COL22A1: variants seen among roughly 807,000 people sequenced by gnomAD.
COL22A1 encodes the protein collagen type XXII alpha 1 chain.
In COL22A1, 221 loss-of-function variants were observed where a neutral mutation model predicts 248.9. The ratio of observed to expected loss-of-function variants is 0.89; its 90% confidence interval spans 0.80 to 0.99. The LOEUF (loss-of-function observed/expected upper bound fraction) is 0.99. Among genes scored for constraint, COL22A1 ranks in the 50% least tolerant of loss-of-function variants. COL22A1 has a pLI of 0.00. For missense variants in COL22A1, 2,240 were observed against 2,179.0 expected (o/e 1.03, Z -0.56); for synonymous variants, 891 against 793.4 (o/e 1.12, Z -2.07).
intron 3 of COL22A1, among the ~76,000 whole-genome samples, chr8:138,857,683 C>T (rs1336491473): frequency 2.0e-5 from 3 of 152,204 alleles, no homozygotes; most frequent in African/African-American, 7.2e-5. Context: ...CTGGGAACAG[C>T]GGTTCCCTCT....
At chr8:138,691,714 TTATG>T (rs1238897819) in intron 35 of COL22A1, among the ~76,000 whole-genome samples, 2 of 12,162 alleles carry the variant, frequency 1.6e-4, no homozygotes, top group South Asian at 2.4e-3. Flanking sequence ...GGAGGTGTGT[TTATG>T]TGTGTACATG....
chr8:138,715,812 C>T, intron 29 of COL22A1, 77 bp from the exon 30 acceptor site: 1 of 1,067,658 alleles, frequency 9.4e-7, no homozygotes, highest in Non-Finnish European at 1.4e-6. Context: ...GTAAGAGCAA[C>T]ATGACTTTGG....
rs377674334 is a variant in COL22A1, at chr8:138,785,698, C to T, written c.1597-4718G>A. On this transcript the variant is annotated intron_variant, in intron 12 of 64. Transcript: ENST00000303045. ...CAGCAGGACACCTTGGCCTCTCCTC[C>T]CAGCTGCCAGTTTTCTAGCGTTGTT... Among the ~76,000 whole-genome samples the T allele has an allele frequency of 5.9e-5, 9 of 152,286 alleles. No homozygotes were observed. In the East Asian group the frequency reaches 1.2e-3, roughly 20 times the overall value.
At chr8:138,802,057 A>T (rs1440334128) in intron 11 of COL22A1, among the ~76,000 whole-genome samples, 1 of 152,170 alleles carries the variant, frequency 6.6e-6, no homozygotes, top group Non-Finnish European at 1.5e-5. Context: ...TGCACTCACT[A>T]CTGTTCTAAA....
At chr8:138,769,877 G>A (rs1252137440) in intron 16 of COL22A1, among the ~76,000 whole-genome samples, 6 of 152,146 alleles carry the variant, frequency 3.9e-5, no homozygotes, top group Non-Finnish European at 5.9e-5. Context: ...ATGTCTGCAG[G>A]GTGGATTGTG....
chr8:138,748,375 G>A (rs1832300045), intron 22 of COL22A1, among the ~76,000 whole-genome samples: 1 of 152,200 alleles, frequency 6.6e-6, no homozygotes, highest in Admixed American at 6.5e-5. Context: ...CAGAGTGTCT[G>A]TGCATCACAA....
chr8:138,752,022 C>T (rs901158651), intron 21 of COL22A1, among the ~76,000 whole-genome samples: 8 of 152,204 alleles, frequency 5.3e-5, no homozygotes, highest in African/African-American at 1.9e-4. Context: ...TCATACTGAC[C>T]TCATTCGAAT....
intron 60 of COL22A1, among the ~76,000 whole-genome samples, chr8:138,601,169 C>T (rs1451607798): frequency 6.6e-6 from 1 of 151,936 alleles, no homozygotes; most frequent in Admixed American, 6.6e-5. Context: ...GAGTCGCATT[C>T]TCGGGGGGGA....
chr8:138,717,563 A>G (rs1261056523), intron 27 of COL22A1, among the ~76,000 whole-genome samples: 1 of 152,132 alleles, frequency 6.6e-6, no homozygotes, highest in Non-Finnish European at 1.5e-5. Context: ...TCTTGGGCTC[A>G]AAAAATTATC....
chr8:138,687,779 G>A (rs77779829), intron 37 of COL22A1, among the ~76,000 whole-genome samples: 1 of 152,156 alleles, frequency 6.6e-6, no homozygotes, highest in Admixed American at 6.5e-5. Flanking sequence ...TTTAGATCAG[G>A]GTTTCTCAAC....
At chr8:138,620,629 C>T (rs1458639921) in intron 52 of COL22A1, 1 of 152,100 alleles carries the variant, frequency 6.6e-6, no homozygotes, top group African/African-American at 2.4e-5. Context: ...CCATCACTGG[C>T]CCAAGGCACC....
intron 64 of COL22A1, among the ~76,000 whole-genome samples, chr8:138,590,971 CA>C (rs1243062706): frequency 6.6e-6 from 1 of 152,180 alleles, no homozygotes; most frequent in Admixed American, 6.5e-5. Context: ...AGGATATTAA[CA>C]ACTGTATAGT....
chr8:138,764,244 G>T (rs1833745057), intron 16 of COL22A1, among the ~76,000 whole-genome samples: 3 of 152,212 alleles, frequency 2.0e-5, no homozygotes. Flanking sequence ...GCAGGGCAGG[G>T]GGAACCTCCC....
chr8:138,638,543 T>C (rs187988614), intron 47 of COL22A1, among the ~76,000 whole-genome samples: 474 of 152,272 alleles, frequency 3.1e-3, no homozygotes, highest in African/African-American at 0.01. Flanking sequence ...ACAGTGACTA[T>C]CTAATAATCC....
At chr8:138,773,047 A>G (rs974295452) in intron 16 of COL22A1, among the ~76,000 whole-genome samples, 2 of 152,214 alleles carry the variant, frequency 1.3e-5, no homozygotes, top group African/African-American at 4.8e-5. Context: ...GTTAAAAAAT[A>G]TATATTCTTT....
chr8:138,871,252 C>T (rs1375848340), intron 3 of COL22A1, among the ~76,000 whole-genome samples: 2 of 152,158 alleles, frequency 1.3e-5, no homozygotes, highest in Non-Finnish European at 2.9e-5. Flanking sequence ...GCCCTCTTCC[C>T]GCTGAGGGAA....
At chr8:138,865,510 T>C (rs916031974) in intron 3 of COL22A1, among the ~76,000 whole-genome samples, 3 of 151,640 alleles carry the variant, frequency 2.0e-5, no homozygotes, top group African/African-American at 7.3e-5. Flanking sequence ...TGTATGTTTG[T>C]ATGCCTGTGT....
At chr8:138,860,577 G>A (rs1428565059) in intron 3 of COL22A1, among the ~76,000 whole-genome samples, 1 of 152,226 alleles carries the variant, frequency 6.6e-6, no homozygotes, top group African/African-American at 2.4e-5. Flanking sequence ...GGAGGCCAAG[G>A]CGAGCAAATT....
intron 1 of COL22A1, among the ~76,000 whole-genome samples, chr8:138,903,097 G>A (rs1340655820): frequency 6.6e-6 from 1 of 152,090 alleles, no homozygotes; most frequent in Non-Finnish European, 1.5e-5. Flanking sequence ...ATTTATCCAG[G>A]AATTAACTTA....
Sources: allele counts gnomAD v4.1 joint callset (sites outside exome capture counted in the v4.1 genomes callset), GRCh38; gene constraint gnomAD v4.1.1; transcripts MANE v1.5; gene names NCBI Gene and HGNC (gene_info 2026-07-23, HGNC 2026-07-21).